The following VAPA variants were observed in gnomAD, a reference collection of about 807,000 sequenced individuals.
The protein encoded by VAPA is vesicle-associated membrane protein-associated protein A.
A neutral mutation model predicts 25.6 loss-of-function variants in VAPA; 6 were observed. The observed-to-expected ratio is 0.23, with a 90% confidence interval of 0.13 to 0.46. VAPA has a LOEUF of 0.46. Ranked by LOEUF, VAPA falls within the 20% of genes least tolerant of loss-of-function variation. The pLI, the probability that VAPA is intolerant of heterozygous loss-of-function variation, is 0.99. For missense variants in VAPA, 244 were observed against 302.1 expected (o/e 0.81, Z 1.43); for synonymous variants, 112 against 106.2 (o/e 1.05, Z -0.34).
At chr18:9,948,945 T>C (rs1224302345) in intron 4 of VAPA, 1 of 152,252 alleles carries the variant, frequency 6.6e-6, no homozygotes, top group East Asian at 1.9e-4. Context: ...CTGAAAGTTC[T>C]TCTATTGCCA....
chr18:9,946,169 TAC>T (rs2069421194), intron 4 of VAPA, among the ~76,000 whole-genome samples: 1 of 152,248 alleles, frequency 6.6e-6, no homozygotes, highest in African/African-American at 2.4e-5. Flanking sequence ...AATACAGAAG[TAC>T]AGTCATGCAT....
At position 9,944,312 on chromosome 18, in the gene VAPA, G is replaced by T. The variant is rs563203166; in HGVS notation, c.418-6083G>T. ...TTTCTGTTGAGACAGAACAAATGGG[G>T]TATCAGTAAGTATAATTAGGGAATC... On this transcript the variant is annotated intron_variant, in intron 4 of 5. Transcript: ENST00000400000. Among the ~76,000 whole-genome samples, 32 of 152,188 alleles carry T rather than the reference G, an allele frequency of 2.1e-4. 1 individual carries two copies. Among genetic ancestry groups the T allele is most frequent in the Middle Eastern group, 6.8e-3 (2 of 294 alleles).
At chr18:9,950,302 A>G (rs1299190266) in intron 4 of VAPA, 93 bp from the exon 5 acceptor site, 2 of 1,411,608 alleles carry the variant, frequency 1.4e-6, no homozygotes, top group East Asian at 2.4e-5. Flanking sequence ...AGAGTTTTTC[A>G]TGAACAAAGA....
intron 1 of VAPA, among the ~76,000 whole-genome samples, chr18:9,930,645 T>C (rs1410700822): frequency 6.6e-6 from 1 of 152,012 alleles, no homozygotes; most frequent in Non-Finnish European, 1.5e-5. Flanking sequence ...TTTGACCATA[T>C]AATGAAACAA....
intron 4 of VAPA, among the ~76,000 whole-genome samples, chr18:9,944,489 C>T (rs1325312209): frequency 6.6e-6 from 1 of 152,008 alleles, no homozygotes; most frequent in Non-Finnish European, 1.5e-5. Context: ...GGGGGATAGG[C>T]TTTAAGTACA....
chr18:9,955,450 A>G lies in VAPA; in HGVS notation c.*1239A>G, dbSNP rs752638054. The G allele has an allele frequency of 1.3e-5, 2 of 152,184 alleles. No individual in the cohort carries two copies. The highest frequency in any genetic ancestry group is 2.9e-5 in the Non-Finnish European group (2 of 68,012). The allele number at this position is 152,184 out of a possible 1,614,324, so 9.4% of individuals were successfully genotyped here. ...TGCACTTAGGTTTGTCCTATTCTTC[A>G]TTTATTCATACTAGGATAGAAAATT... is the stretch of plus-strand genomic sequence containing the variant. On this transcript the variant is annotated 3_prime_UTR_variant, in exon 6 of 6. Coordinates refer to ENST00000400000, the MANE Select transcript of VAPA (RefSeq NM_194434.3).
At chr18:9,946,719 T>C (rs1305746998) in intron 4 of VAPA, among the ~76,000 whole-genome samples, 2 of 151,964 alleles carry the variant, frequency 1.3e-5, no homozygotes, top group Non-Finnish European at 2.9e-5. Flanking sequence ...GAATGAGTGG[T>C]GAGTGAATGG....
intron 1 of VAPA, among the ~76,000 whole-genome samples, chr18:9,929,914 A>G (rs2069236434): frequency 6.6e-6 from 1 of 152,172 alleles, no homozygotes; most frequent in South Asian, 2.1e-4. Flanking sequence ...ATATATTATC[A>G]TCATCTTTAG....
At chr18:9,929,737 A>G (rs568401737) in intron 1 of VAPA, among the ~76,000 whole-genome samples, 38 of 152,282 alleles carry the variant, frequency 2.5e-4, no homozygotes, top group African/African-American at 7.5e-4. Flanking sequence ...ACTCTTAGCT[A>G]TCTGCTGGGA....
chr18:9,915,910 A>G (rs1309062394), intron 1 of VAPA: 1 of 152,136 alleles, frequency 6.6e-6, no homozygotes, highest in South Asian at 2.1e-4. Context: ...GCTGGGGGAA[A>G]ACCTTTGAGG....
chr18:9,919,835 A>G (rs562176662), intron 1 of VAPA, among the ~76,000 whole-genome samples: 1 of 152,330 alleles, frequency 6.6e-6, no homozygotes, highest in Admixed American at 6.5e-5. Flanking sequence ...TTTGCATTTA[A>G]AAATAATTCT....
Position 9,957,800 on chromosome 18 carries a change from C to T in VAPA, c.*3589C>T, listed in dbSNP as rs1167123005. 1 of 152,194 alleles carries T rather than the reference C, an allele frequency of 6.6e-6. No individual in the cohort carries two copies. The highest frequency in any genetic ancestry group is 1.9e-4 in the East Asian group (1 of 5,198). The allele number at this position is 152,194 out of a possible 1,614,324, so 9.4% of individuals were successfully genotyped here. A position where few individuals can be genotyped will look rare whatever the true frequency, so the allele number is the denominator to read the frequency against. The stretch of plus-strand genomic sequence containing the variant: ...ATAGCTAATCACTGGGACTTGAATT[C>T]TGATGGCAGATAGTCTCTTGCTTAG... On this transcript the variant is annotated 3_prime_UTR_variant, in exon 6 of 6. Transcript: ENST00000400000.
chr18:9,940,920 T>A (rs931661235), intron 4 of VAPA, among the ~76,000 whole-genome samples: 1 of 152,222 alleles, frequency 6.6e-6, no homozygotes, highest in Non-Finnish European at 1.5e-5. Flanking sequence ...CTTAATTGAT[T>A]AATGTGTATG....
rs3025543 is a variant in VAPA at position 9,955,392 on chromosome 18, T to C, written c.*1181T>C. On this transcript the variant is annotated 3_prime_UTR_variant, in exon 6 of 6. Coordinates refer to ENST00000400000, the MANE Select transcript of VAPA (RefSeq NM_194434.3). ...TTAACCATGTGAAACACATTTTCAG[T>C]ATAAGTATGCGTTACAGGGTTTGAT... The C allele has an allele frequency of 6.6e-6, 1 of 152,204 alleles. No individual in the cohort carries two copies. The allele number at this position is 152,204 out of a possible 1,614,324, so 9.4% of individuals were successfully genotyped here.
rs2069572477 is a variant in VAPA, at chr18:9,958,409, T to TG, written c.*4199dup. The TG allele has an allele frequency of 1.3e-5, 2 of 152,256 alleles. No homozygotes were observed. The highest frequency in any genetic ancestry group is 1.3e-4 in the Admixed American group (2 of 15,284). 9.4% of individuals were successfully genotyped at this position (152,256 alleles called of 1,614,324 possible). ...GTTTCTTGTTTTCCAGTTGTTGCTA[T>TG]GTATAACACCCATCTTGAAAGAGAG... On this transcript the variant is annotated 3_prime_UTR_variant, in exon 6 of 6. Coordinates refer to ENST00000400000, the MANE Select transcript of VAPA (RefSeq NM_194434.3).
In VAPA at chr18:9,937,033, C is replaced by T. The variant is rs189508568; in HGVS notation, c.384C>T (p.Cys128=). The T allele has an allele frequency of 7.9e-5, 128 of 1,613,482 alleles. No homozygotes were observed. The East Asian group carries it at 1.0e-3, about 13-fold the overall frequency. The change falls in exon 4 of 6, where the codon TGC becomes TGT. Residue 128 remains cysteine (C), a synonymous_variant. Transcript: ENST00000400000. ...AATTAATGGATTCCAAATTGAGATG[C>T]GTATTTGAAATGCCCAATGAAAATG... ...PDELMDSKLR[C]VFEMPNENDK...
intron 2 of VAPA, among the ~76,000 whole-genome samples, chr18:9,932,252 G>T (rs29157): frequency 0.022 from 3,354 of 152,130 alleles, 129 homozygotes; most frequent in African/African-American, 0.077. Context: ...TTTTATCTTT[G>T]AAAAATTATA....
At chr18:9,941,718 CATT>C (rs1172545964) in intron 4 of VAPA, among the ~76,000 whole-genome samples, 1 of 152,056 alleles carries the variant, frequency 6.6e-6, no homozygotes, top group African/African-American at 2.4e-5. Context: ...GAAATTAGGG[CATT>C]ATTGGATAGT....
intron 2 of VAPA, among the ~76,000 whole-genome samples, chr18:9,932,575 C>G (rs1427215197): frequency 2.0e-5 from 3 of 152,308 alleles, no homozygotes; most frequent in Admixed American, 2.0e-4. Context: ...TAAACTGTTT[C>G]TTTCTTTCTC....
Sources: allele counts gnomAD v4.1 joint callset (sites outside exome capture counted in the v4.1 genomes callset), GRCh38; gene constraint gnomAD v4.1.1; transcripts MANE v1.5; gene names NCBI Gene and HGNC (gene_info 2026-07-23, HGNC 2026-07-21).